ERBB4: variants seen among roughly 807,000 people sequenced by gnomAD.
ERBB4 encodes receptor tyrosine-protein kinase erbB-4.
In ERBB4, 42 loss-of-function variants were observed where a neutral mutation model predicts 158.0. The ratio of observed to expected loss-of-function variants is 0.27; its 90% CI spans 0.21 to 0.34. ERBB4 has a LOEUF of 0.34. ERBB4 is among the 10% of genes least tolerant of loss of function. The pLI is 1.00. For synonymous variants in ERBB4, 583 were observed against 558.7 expected (o/e 1.04, Z -0.61); for missense variants, 1,333 against 1,624.1 (o/e 0.82, Z 3.08).
chr2:212,260,132 C>G (rs2084886201), intron 1 of ERBB4, among the ~76,000 whole-genome samples: 1 of 151,386 alleles, frequency 6.6e-6, no homozygotes, highest in Admixed American at 6.6e-5. Flanking sequence ...GAAACAAACT[C>G]TCCTTTATGA....
At position 212,241,880 on chromosome 2, in the gene ERBB4, A is replaced by T. The variant is rs111369594; in HGVS notation, c.83-116977T>A. Reference sequence around the variant, plus strand: ...CCATGTGAATTGATTCAACATATTAATAACAAGATGATCTAAATTTATTAT... The same window carrying T: ...CCATGTGAATTGATTCAACATATTATTAACAAGATGATCTAAATTTATTAT... On this transcript the variant is annotated intron_variant, in intron 1 of 27. Coordinates refer to ENST00000342788, the MANE Select transcript of ERBB4 (RefSeq NM_005235.3). 4.4e-5 allele frequency among the ~76,000 whole-genome samples: 5 copies of T among 112,784 alleles called. No individual in the cohort carries two copies. The East Asian group carries it at 7.7e-4, about 17-fold the overall frequency. 74.0% of individuals were successfully genotyped at this position (112,784 alleles called of 152,430 possible). A position where few individuals can be genotyped will look rare whatever the true frequency, so the allele number is the denominator to read the frequency against.
At chr2:211,645,103 A>C (rs1404844647) in intron 16 of ERBB4, among the ~76,000 whole-genome samples, 1 of 141,660 alleles carries the variant, frequency 7.1e-6, no homozygotes, top group African/African-American at 2.5e-5. Context: ...TAAGTATGTT[A>C]GTATTTAGCT....
In ERBB4 at chr2:212,346,262, T is replaced by A. The variant is rs557080251; in HGVS notation, c.82+192187A>T. On this transcript the variant is annotated intron_variant, in intron 1 of 27. Coordinates refer to ENST00000342788, the MANE Select transcript of ERBB4 (RefSeq NM_005235.3). Reference sequence around the variant, plus strand: ...ACATTTAACAGATGTGCTGTATCTATGTTTTCTAAGTATTTGATACCTATT... The same window carrying A: ...ACATTTAACAGATGTGCTGTATCTAAGTTTTCTAAGTATTTGATACCTATT... Among the ~76,000 whole-genome samples, 11 of 152,114 alleles carry A rather than the reference T, an allele frequency of 7.2e-5. No homozygotes were observed. In the South Asian group the frequency reaches 8.3e-4, roughly 11 times the overall value.
At position 212,134,195 on chromosome 2, in the gene ERBB4, T is replaced by TC. The variant is rs746993079; in HGVS notation, c.83-9293_83-9292insG. On this transcript the variant is annotated intron_variant, in intron 1 of 27. Coordinates refer to ENST00000342788, the MANE Select transcript of ERBB4 (RefSeq NM_005235.3). Reference sequence around the variant, plus strand: ...TATGCTTTTGCAGTTTTGAGAAGTTTTTTTTTAATCTTATTAGGGTAAATT... The same window carrying TC: ...TATGCTTTTGCAGTTTTGAGAAGTTTCTTTTTTAATCTTATTAGGGTAAATT... Among the ~76,000 whole-genome samples, 123 of 152,174 alleles carry TC rather than the reference T, an allele frequency of 8.1e-4. 1 individual carries two copies. Among genetic ancestry groups the TC allele is most frequent in the Non-Finnish European group, 1.3e-3 (91 of 67,998 alleles).
Position 211,376,164 on chromosome 2 carries a change from C to T in ERBB4, c.*7451G>A, listed in dbSNP as rs1293909190. 1 of 233,008 alleles carries T rather than the reference C, an allele frequency of 4.3e-6. No individual in the cohort carries two copies. The highest frequency in any genetic ancestry group is 2.2e-5 in the African/African-American group (1 of 45,290). The allele number at this position is 233,008 out of a possible 1,614,324, so 14.4% of individuals were successfully genotyped here. ...TTACACCACACACAATTGGCATATC[C>T]TATTGTGTAAGCGAGTGCAGAGGTT... On this transcript the variant is annotated 3_prime_UTR_variant, in exon 28 of 28. Coordinates refer to ENST00000342788, the MANE Select transcript of ERBB4 (RefSeq NM_005235.3).
intron 1 of ERBB4, among the ~76,000 whole-genome samples, chr2:212,176,830 A>G (rs2081678660): frequency 1.3e-5 from 2 of 152,058 alleles, no homozygotes; most frequent in African/African-American, 4.8e-5. Context: ...TACAGGCTCC[A>G]TGGAAGTAAG....
intron 1 of ERBB4, among the ~76,000 whole-genome samples, chr2:212,316,658 T>G (rs2087295101): frequency 1.3e-5 from 2 of 151,488 alleles, no homozygotes; most frequent in South Asian, 4.1e-4. Flanking sequence ...TGAGCGAAAT[T>G]GCTTGTTTAG....
At chr2:212,036,614 G>A (rs1364110576) in intron 2 of ERBB4, among the ~76,000 whole-genome samples, 1 of 151,782 alleles carries the variant, frequency 6.6e-6, no homozygotes, top group South Asian at 2.1e-4. Context: ...ACAGGTGCCC[G>A]CCACCACGCC....
intron 2 of ERBB4, among the ~76,000 whole-genome samples, chr2:211,959,829 A>G (rs1349526086): frequency 1.3e-5 from 2 of 152,124 alleles, no homozygotes; most frequent in Non-Finnish European, 2.9e-5. Context: ...ATAAAACATG[A>G]CCTGGCCCCT....
At chr2:211,784,516 G>A (rs370401631) in intron 4 of ERBB4, among the ~76,000 whole-genome samples, 3 of 151,968 alleles carry the variant, frequency 2.0e-5, no homozygotes, top group East Asian at 3.9e-4. Flanking sequence ...TATGACATTT[G>A]GGTTGCTTCC....
chr2:212,265,943 T>G (rs1023741520), intron 1 of ERBB4, among the ~76,000 whole-genome samples: 1 of 152,034 alleles, frequency 6.6e-6, no homozygotes, highest in African/African-American at 2.4e-5. Flanking sequence ...ATATAGTATA[T>G]AGGACACAGA....
intron 1 of ERBB4, among the ~76,000 whole-genome samples, chr2:212,174,233 G>C (rs1267792847): frequency 6.6e-6 from 1 of 152,056 alleles, no homozygotes; most frequent in East Asian, 1.9e-4. Flanking sequence ...CTACATTTAT[G>C]ATTTTTCAGC....
At chr2:212,087,230 C>T (rs1052782351) in intron 2 of ERBB4, among the ~76,000 whole-genome samples, 1 of 151,842 alleles carries the variant, frequency 6.6e-6, no homozygotes, top group African/African-American at 2.4e-5. Context: ...CTAAACTTCA[C>T]TAAATAGTGA....
At chr2:212,296,019 G>T (rs2086397545) in intron 1 of ERBB4, among the ~76,000 whole-genome samples, 1 of 151,964 alleles carries the variant, frequency 6.6e-6, no homozygotes, top group African/African-American at 2.4e-5. Context: ...TCAATTAGAT[G>T]ATCCCAGGAT....
intron 2 of ERBB4, among the ~76,000 whole-genome samples, chr2:212,105,608 A>G (rs1389150838): frequency 1.3e-5 from 2 of 152,326 alleles, no homozygotes; most frequent in East Asian, 3.9e-4. Context: ...GTGTCGAAAA[A>G]TGTTTCAATA....
chr2:212,155,863 T>A (rs2081020200), intron 1 of ERBB4, among the ~76,000 whole-genome samples: 1 of 152,136 alleles, frequency 6.6e-6, no homozygotes, highest in Non-Finnish European at 1.5e-5. Context: ...TTATTAAATT[T>A]CCTGCTAGAG....
chr2:212,056,391 A>G (rs959455356), intron 2 of ERBB4, among the ~76,000 whole-genome samples: 19 of 152,226 alleles, frequency 1.2e-4, no homozygotes, highest in Admixed American at 2.0e-4. Context: ...CAACCTAGCA[A>G]GGCAGGCCAA....
chr2:211,476,579 AAAAG>A (rs2064960504), intron 20 of ERBB4, among the ~76,000 whole-genome samples: 1 of 152,038 alleles, frequency 6.6e-6, no homozygotes, highest in Non-Finnish European at 1.5e-5. Flanking sequence ...AGAAAAAAAA[AAAAG>A]AATGACTTAG....
chr2:212,032,772 G>T (rs1313444620), intron 2 of ERBB4, among the ~76,000 whole-genome samples: 1 of 151,926 alleles, frequency 6.6e-6, no homozygotes, highest in East Asian at 1.9e-4. Context: ...TTCTTGATAA[G>T]TTTATAGGTA....
Sources: allele counts gnomAD v4.1 joint callset (sites outside exome capture counted in the v4.1 genomes callset), GRCh38; gene constraint gnomAD v4.1.1; transcripts MANE v1.5; gene names NCBI Gene and HGNC (gene_info 2026-07-23, HGNC 2026-07-21).